CADM2: variants seen among roughly 807,000 people sequenced by gnomAD.
CADM2 encodes the protein cell adhesion molecule 2, also known as immunoglobulin superfamily member 4D.
CADM2 carries 12 observed loss-of-function variants against 49.8 expected under a neutral mutation model. The observed-to-expected ratio is 0.24, with a 90% confidence interval of 0.15 to 0.39. CADM2 has a LOEUF of 0.39. Ranked by LOEUF, CADM2 falls within the 10% of genes least tolerant of loss-of-function variation. The pLI is 1.00. For missense variants in CADM2, 378 were observed against 492.3 expected (o/e 0.77, Z 2.20); for synonymous variants, 214 against 175.4 (o/e 1.22, Z -1.74).
intron 1 of CADM2, among the ~76,000 whole-genome samples, chr3:85,344,839 C>T (rs2030405144): frequency 1.3e-5 from 2 of 152,096 alleles, no homozygotes; most frequent in Admixed American, 1.3e-4. Flanking sequence ...GTCATTCTTT[C>T]AGATAAGAAA....
chr3:85,644,721 A>C (rs1283418728), intron 1 of CADM2, among the ~76,000 whole-genome samples: 5 of 152,152 alleles, frequency 3.3e-5, no homozygotes. Context: ...GCCCTTAGCC[A>C]AAATTAAATA....
intron 1 of CADM2, among the ~76,000 whole-genome samples, chr3:85,263,063 G>A (rs867394420): frequency 6.6e-6 from 1 of 151,956 alleles, no homozygotes; most frequent in Non-Finnish European, 1.5e-5. Context: ...CGCGATCTCA[G>A]GTCACTGCAA....
chr3:85,743,344 C>T (rs1197062427), intron 2 of CADM2, among the ~76,000 whole-genome samples: 2 of 152,132 alleles, frequency 1.3e-5, no homozygotes, highest in Admixed American at 6.5e-5. Flanking sequence ...CAAGTAGCAC[C>T]TTTCTCCACA....
At chr3:85,066,707 T>A (rs986450349) in intron 1 of CADM2, among the ~76,000 whole-genome samples, 5 of 152,202 alleles carry the variant, frequency 3.3e-5, no homozygotes, top group African/African-American at 1.2e-4. Context: ...CTTGGTCAAA[T>A]CTCATTAGTT....
At chr3:85,830,443 G>A (rs914487392) in intron 3 of CADM2, among the ~76,000 whole-genome samples, 1 of 151,820 alleles carries the variant, frequency 6.6e-6, no homozygotes, top group Admixed American at 6.6e-5. Flanking sequence ...CACATAAATG[G>A]TCTTCAAATA....
chr3:84,992,498 G>A (rs1027540306), intron 1 of CADM2, among the ~76,000 whole-genome samples: 1 of 152,056 alleles, frequency 6.6e-6, no homozygotes, highest in African/African-American at 2.4e-5. Context: ...GCATGGTGGT[G>A]CACAACTGTA....
intron 1 of CADM2, among the ~76,000 whole-genome samples, chr3:85,448,141 C>G (rs997666677): frequency 6.6e-6 from 1 of 151,932 alleles, no homozygotes; most frequent in East Asian, 1.9e-4. Flanking sequence ...ACCATCCTGG[C>G]TAATACCGTG....
chr3:85,715,262 G>T (rs1470216503), intron 1 of CADM2, among the ~76,000 whole-genome samples: 2 of 151,988 alleles, frequency 1.3e-5, no homozygotes, highest in Non-Finnish European at 2.9e-5. Context: ...ACCTTTGTTG[G>T]CTCAAAAATT....
At chr3:85,336,361 CAGTT>C (rs2045078480) in intron 1 of CADM2, among the ~76,000 whole-genome samples, 1 of 151,276 alleles carries the variant, frequency 6.6e-6, no homozygotes, top group African/African-American at 2.4e-5. Context: ...TGTTATAGGC[CAGTT>C]AAATTATAAT....
intron 1 of CADM2, among the ~76,000 whole-genome samples, chr3:85,310,906 G>A (rs1269168932): frequency 6.6e-6 from 1 of 152,076 alleles, no homozygotes; most frequent in African/African-American, 2.4e-5. Context: ...CTGAAATATT[G>A]TTCTCATAAT....
At chr3:85,154,006 A>C (rs1379763185) in intron 1 of CADM2, among the ~76,000 whole-genome samples, 2 of 152,138 alleles carry the variant, frequency 1.3e-5, no homozygotes, top group Non-Finnish European at 2.9e-5. Context: ...GAGCAGAAAA[A>C]CTGGAAACTC....
intron 1 of CADM2, among the ~76,000 whole-genome samples, chr3:85,361,312 G>A (rs2032343559): frequency 6.6e-6 from 1 of 152,150 alleles, no homozygotes; most frequent in African/African-American, 2.4e-5. Context: ...ACTGGTCAGA[G>A]TGAAAAGTCC....
In CADM2 at chr3:85,772,008, C is replaced by CTT. The variant is rs397938377; in HGVS notation, c.89-30020_89-30019dup. Among the ~76,000 whole-genome samples the CTT allele has an allele frequency of 9.9e-3, 1,107 of 112,186 alleles. 11 individuals are homozygous for CTT. The highest frequency in any genetic ancestry group is 0.021 in the South Asian group (71 of 3,376). The allele number at this position is 112,186 out of a possible 152,430, so 73.6% of individuals were successfully genotyped here. A position where few individuals can be genotyped will look rare whatever the true frequency, so the allele number is the denominator to read the frequency against. ...GTAGTATTGTATTTTTTCTTTCTTT[C>CTT]TTTTTTTTTTTTTTTTTTTTGGTAC... On this transcript the variant is annotated intron_variant, in intron 2 of 9. Coordinates refer to ENST00000383699, the MANE Select transcript of CADM2 (RefSeq NM_001167675.2).
chr3:85,784,833 A>G (rs1195432501), intron 2 of CADM2, among the ~76,000 whole-genome samples: 3 of 152,044 alleles, frequency 2.0e-5, no homozygotes, highest in Non-Finnish European at 4.4e-5. Context: ...CTCCTCCTTG[A>G]TTTTTTTGAA....
At chr3:85,205,223 A>G (rs1483050660) in intron 1 of CADM2, among the ~76,000 whole-genome samples, 1 of 152,036 alleles carries the variant, frequency 6.6e-6, no homozygotes, top group Non-Finnish European at 1.5e-5. Flanking sequence ...GGGTCTCACT[A>G]TATTTCTCAG....
intron 1 of CADM2, among the ~76,000 whole-genome samples, chr3:85,012,601 T>C (rs570751238): frequency 9.3e-5 from 14 of 150,962 alleles, no homozygotes; most frequent in African/African-American, 3.1e-4. Flanking sequence ...CACTTTGTGT[T>C]CAGTAATAAG....
At chr3:85,452,869 A>C (rs1032457768) in intron 1 of CADM2, among the ~76,000 whole-genome samples, 1 of 152,162 alleles carries the variant, frequency 6.6e-6, no homozygotes, top group African/African-American at 2.4e-5. Context: ...CTTAACTATA[A>C]GTTTATGTAA....
chr3:85,885,944 T>C (rs1186138622), intron 4 of CADM2, among the ~76,000 whole-genome samples: 1 of 151,956 alleles, frequency 6.6e-6, no homozygotes, highest in Non-Finnish European at 1.5e-5. Context: ...TATATATTTA[T>C]ATATCTGTAC....
chr3:85,586,693 A>T (rs1033399418), intron 1 of CADM2, among the ~76,000 whole-genome samples: 1 of 152,130 alleles, frequency 6.6e-6, no homozygotes, highest in Non-Finnish European at 1.5e-5. Flanking sequence ...GGTTTTTACC[A>T]TTCCTTTTAA....
Sources: gnomAD v4.1 joint callset for allele counts (sites outside exome capture counted in the v4.1 genomes callset) on GRCh38, gnomAD v4.1.1 for gene constraint, MANE v1.5 for transcripts, NCBI Gene and HGNC (gene_info 2026-07-23, HGNC 2026-07-21) for gene names.